The following ACSS3 variants were observed in gnomAD, a reference collection of about 807,000 sequenced individuals.
ACSS3 encodes the protein acyl-CoA synthetase short-chain family member 3, mitochondrial.
In ACSS3, 64 loss-of-function variants were observed where a neutral mutation model predicts 84.2. The observed-to-expected ratio is 0.76, with a 90% CI of 0.62 to 0.94. ACSS3 has a LOEUF of 0.94. Ranked by LOEUF, ACSS3 falls within the 40% of genes least tolerant of loss-of-function variation. ACSS3 has a pLI of 0.00. For synonymous variants in ACSS3, 317 were observed against 310.1 expected (o/e 1.02, Z -0.23); for missense variants, 815 against 867.6 (o/e 0.94, Z 0.76).
chr12:81,177,948 G>A (rs1002597134), intron 8 of ACSS3, among the ~76,000 whole-genome samples: 4 of 152,130 alleles, frequency 2.6e-5, no homozygotes, highest in African/African-American at 9.7e-5. Context: ...ATTTGACCCA[G>A]CCATCCCATT....
chr12:81,102,122 C>T (rs543739446), intron 1 of ACSS3, among the ~76,000 whole-genome samples: 4 of 152,110 alleles, frequency 2.6e-5, no homozygotes, highest in Admixed American at 6.6e-5. Context: ...TACACACATG[C>T]ACTCATCTGA....
chr12:81,238,157 A>G (rs1015098432), intron 13 of ACSS3, among the ~76,000 whole-genome samples: 7 of 151,772 alleles, frequency 4.6e-5, no homozygotes, highest in African/African-American at 1.4e-4. Context: ...GATGCGATGG[A>G]TTACTTTGAT....
At chr12:81,161,979 C>T (rs1565698423) in intron 7 of ACSS3, among the ~76,000 whole-genome samples, 1 of 152,168 alleles carries the variant, frequency 6.6e-6, no homozygotes, top group African/African-American at 2.4e-5. Context: ...TTGTCACAGC[C>T]CTGGCTTGGG....
intron 8 of ACSS3, among the ~76,000 whole-genome samples, chr12:81,195,177 A>C (rs1231283223): frequency 6.6e-6 from 1 of 152,038 alleles, no homozygotes; most frequent in Non-Finnish European, 1.5e-5. Flanking sequence ...TCATTTTATA[A>C]ATTTTAATGT....
At chr12:81,098,293 A>T (rs575056458) in intron 1 of ACSS3, among the ~76,000 whole-genome samples, 11 of 152,218 alleles carry the variant, frequency 7.2e-5, no homozygotes, top group Admixed American at 7.2e-4. Flanking sequence ...ATAATTGGGT[A>T]AATAATGCTC....
At chr12:81,092,101 C>T (rs1881706190) in intron 1 of ACSS3, among the ~76,000 whole-genome samples, 1 of 152,058 alleles carries the variant, frequency 6.6e-6, no homozygotes, top group Admixed American at 6.6e-5. Flanking sequence ...TATACATACA[C>T]ATATATGTTT....
At chr12:81,245,323 G>A (rs756328500) in intron 13 of ACSS3, among the ~76,000 whole-genome samples, 18 of 152,270 alleles carry the variant, frequency 1.2e-4, no homozygotes, top group Admixed American at 2.6e-4. Flanking sequence ...TTAGCCAGGC[G>A]TGGTGGTGGG....
chr12:81,229,931 T>C (rs2033399342), intron 11 of ACSS3, among the ~76,000 whole-genome samples: 1 of 151,868 alleles, frequency 6.6e-6, no homozygotes, highest in African/African-American at 2.4e-5. Context: ...ATTTTGTTCC[T>C]GACAGAATGT....
chr12:81,165,127 T>A (rs570119189), intron 7 of ACSS3, among the ~76,000 whole-genome samples: 11 of 152,302 alleles, frequency 7.2e-5, no homozygotes, highest in Non-Finnish European at 8.8e-5. Context: ...CATGACTAGT[T>A]GTTAAAAAAA....
rs1274227910 is a variant in ACSS3, at chr12:81,107,517, T to C, written c.312-2043T>C. The stretch of plus-strand genomic sequence containing the variant: ...TTTCAGGTACAAATATATACATATA[T>C]ATATATATATATATATATATATATA... On this transcript the variant is annotated intron_variant, in intron 1 of 15. Transcript: ENST00000548058. 3.7e-3 allele frequency among the ~76,000 whole-genome samples: 152 copies of C among 41,188 alleles called. 3 individuals carry two copies. Among genetic ancestry groups the C allele is most frequent in the South Asian group, 0.017 (25 of 1,506 alleles). 27.0% of individuals were successfully genotyped at this position (41,188 alleles called of 152,430 possible).
rs2034642702 is a variant in ACSS3 at position 81,259,483 on chromosome 12, C to T, written c.*4561C>T. ...TTCAAATGACTTAAGCATTTTATTA[C>T]AATTTGTAGTAAACTAATCAAATGT... On this transcript the variant is annotated 3_prime_UTR_variant, in exon 16 of 16. Transcript: ENST00000548058. 2.8e-6 allele frequency: 2 copies of T among 705,690 alleles called. No homozygotes were observed. The highest frequency in any genetic ancestry group is 2.7e-5 in the East Asian group (1 of 36,588). 43.7% of individuals were successfully genotyped at this position (705,690 alleles called of 1,614,324 possible).
At chr12:81,107,258 CA>C (rs1883092541) in intron 1 of ACSS3, among the ~76,000 whole-genome samples, 1 of 151,230 alleles carries the variant, frequency 6.6e-6, no homozygotes, top group Non-Finnish European at 1.5e-5. Context: ...ATGCAACAAA[CA>C]TATTGAAAAA....
At chr12:81,245,499 G>A (rs2033955423) in intron 13 of ACSS3, among the ~76,000 whole-genome samples, 1 of 151,988 alleles carries the variant, frequency 6.6e-6, no homozygotes, top group South Asian at 2.1e-4. Context: ...TGAATAAAGG[G>A]GGCTGGAATT....
intron 2 of ACSS3, among the ~76,000 whole-genome samples, chr12:81,131,025 C>G (rs899079777): frequency 3.9e-5 from 6 of 152,184 alleles, no homozygotes; most frequent in Non-Finnish European, 8.8e-5. Flanking sequence ...GTTTTGGTTA[C>G]TGTAGCCTTG....
chr12:81,096,206 TAA>T (rs1269511494), intron 1 of ACSS3, among the ~76,000 whole-genome samples: 1 of 152,238 alleles, frequency 6.6e-6, no homozygotes, highest in Admixed American at 6.5e-5. Flanking sequence ...ATTTACCTTA[TAA>T]GAGTCTTTTT....
chr12:81,208,496 C>A (rs1217382329), intron 9 of ACSS3, among the ~76,000 whole-genome samples: 2 of 152,078 alleles, frequency 1.3e-5, no homozygotes, highest in South Asian at 2.1e-4. Context: ...TCACCAAGAC[C>A]TTTTGATCTT....
intron 7 of ACSS3, among the ~76,000 whole-genome samples, chr12:81,172,388 G>A (rs1446795278): frequency 2.6e-5 from 4 of 150,994 alleles, no homozygotes; most frequent in Non-Finnish European, 4.4e-5. Context: ...TTACACTGAT[G>A]TGTGCCTGCT....
intron 1 of ACSS3, among the ~76,000 whole-genome samples, chr12:81,107,511 C>CACAT (rs1403415163): frequency 5.2e-5 from 2 of 38,834 alleles, no homozygotes; most frequent in African/African-American, 1.7e-4. Flanking sequence ...CAAATATATA[C>CACAT]ATATATATAT....
intron 1 of ACSS3, among the ~76,000 whole-genome samples, chr12:81,101,542 C>G (rs1882512646): frequency 6.6e-6 from 1 of 152,046 alleles, no homozygotes; most frequent in South Asian, 2.1e-4. Context: ...CTTGCTCTGG[C>G]TGTGTAAAAA....
Sources: allele counts gnomAD v4.1 joint callset (sites outside exome capture counted in the v4.1 genomes callset), GRCh38; gene constraint gnomAD v4.1.1; transcripts MANE v1.5; gene names NCBI Gene and HGNC (gene_info 2026-07-23, HGNC 2026-07-21).